KLK7: variants seen among roughly 807,000 people sequenced by gnomAD.
The protein encoded by KLK7 is kallikrein related peptidase 7, also known as kallikrein-7.
A neutral mutation model predicts 21.0 loss-of-function variants in KLK7; 17 were observed. The observed-to-expected ratio is 0.81, with a 90% CI of 0.55 to 1.21. KLK7 has a LOEUF of 1.21. Ranked by LOEUF, KLK7 falls within the 50% of genes most tolerant of loss-of-function variation. The probability of loss-of-function intolerance (pLI) is 0.00; values close to 1 mark genes in which losing one functional copy is unlikely to be tolerated. For missense variants in KLK7, 330 were observed against 322.8 expected, an observed-to-expected ratio of 1.02 and a Z score of -0.17; for synonymous variants, 151 against 134.6, an observed-to-expected ratio of 1.12 and a Z score of -0.85.
Position 50,980,478 on chromosome 19 carries a change from G to C in KLK7, c.231C>G (p.Thr77=). ...CCAGCGTATCACTGCCCAGGTGCAC[G>C]GTGTACTCACTGCGAGGAGTGACAT... is the stretch of plus-strand genomic sequence containing the variant. ...TAAHCKMNEY[T]VHLGSDTLGD... is the part of the protein sequence containing the mutation. Residue 77 remains threonine, a synonymous_variant, in exon 4 of 6, where the codon ACC becomes ACG. Transcript: ENST00000595820. The C allele has an allele frequency of 6.2e-7, 1 of 1,613,810 alleles. No individual in the cohort carries two copies. Among genetic ancestry groups the C allele is most frequent in the East Asian group, 2.2e-5 (1 of 44,864 alleles).
At chr19:50,977,789 T>C in intron 5 of KLK7, 98 bp from the exon 6 acceptor site, 1 of 1,261,570 alleles carries the variant, frequency 7.9e-7, no homozygotes, top group South Asian at 1.4e-5. Context: ...TTGCAGATTA[T>C]GGACTTCCAC....
Position 50,981,905 on chromosome 19 carries a change from T to C in KLK7, c.83A>G (p.Asp28Gly). ...LETAGEEAQG[D>G]KIIDGAPCAR... ...ACATGGGGCGCCATCAATAATCTTG[T>C]CACCCTGGGCTGGATGGAGACATGG... The change falls in exon 3 of 6, where the codon GAC becomes GGC. Residue 28 changes from aspartate (D) to glycine (G), a missense_variant. Asp to Gly is a moderately conservative substitution (Grantham distance 94). Coordinates refer to ENST00000595820, the MANE Select transcript of KLK7 (RefSeq NM_005046.4). The C allele has an allele frequency of 6.2e-7, 1 of 1,612,786 alleles. No individual in the cohort carries two copies. The highest frequency in any genetic ancestry group is 8.5e-7 in the Non-Finnish European group (1 of 1,179,634).
rs2091041123 is a variant in KLK7, at chr19:50,976,645, A to G, written c.*891T>C. 1 of 152,196 alleles carries G rather than the reference A, an allele frequency of 6.6e-6. No individual in the cohort carries two copies. The highest frequency in any genetic ancestry group is 2.4e-5 in the African/African-American group (1 of 41,432). 9.4% of individuals were successfully genotyped at this position (152,196 alleles called of 1,614,324 possible). A position where few individuals can be genotyped will look rare whatever the true frequency, so the allele number is the denominator to read the frequency against. ...ATTTTTTATGGGTAGGGTCACATAC[A>G]TATATATTTTTGTCCTTCCTTTTGT... On this transcript the variant is annotated 3_prime_UTR_variant, in exon 6 of 6. Coordinates refer to ENST00000595820, the MANE Select transcript of KLK7 (RefSeq NM_005046.4).
chr19:50,983,806 C>T, intron 1 of KLK7, 45 bp downstream of exon 1: 1 of 1,288,682 alleles, frequency 7.8e-7, no homozygotes, highest in South Asian at 1.2e-5. Flanking sequence ...GAGCCAGCAT[C>T]ACCCTCTCCC....
Position 50,981,929 on chromosome 19 carries a change from G to A in KLK7, c.74-15C>T, listed in dbSNP as rs1179974858. 6.2e-7 allele frequency: 1 copy of A among 1,611,966 alleles called. No individual in the cohort carries two copies. The highest frequency in any genetic ancestry group is 1.3e-5 in the African/African-American group (1 of 74,888). Reference sequence around the variant, plus strand: ...GTCACCCTGGGCTGGATGGAGACATGGAGGAGCACGTGGGTAGCTAGCATT... The same window carrying A: ...GTCACCCTGGGCTGGATGGAGACATAGAGGAGCACGTGGGTAGCTAGCATT... On this transcript the variant is annotated splice_polypyrimidine_tract_variant and intron_variant, in intron 2 of 5. Transcript: ENST00000595820.
intron 5 of KLK7, among the ~76,000 whole-genome samples, chr19:50,979,203 G>A (rs1654526): frequency 0.22 from 33,032 of 151,956 alleles, 4,044 homozygotes; most frequent in East Asian, 0.34. Context: ...ATCAGCTTCA[G>A]GCACAAAATC....
chr19:50,981,201 G>T lies in KLK7; in HGVS notation c.221+566C>A, dbSNP rs1439842192. ...GAGAGAGAGGGACAGAGACCAGAGA[G>T]AGAGGAGGGGGAACAGAGACCAGAG... is the stretch of plus-strand genomic sequence containing the variant. On this transcript the variant is annotated intron_variant, in intron 3 of 5. Coordinates refer to ENST00000595820, the MANE Select transcript of KLK7 (RefSeq NM_005046.4). Among the ~76,000 whole-genome samples, 4 of 132,410 alleles carry T rather than the reference G, an allele frequency of 3.0e-5. No individual in the cohort carries two copies. The South Asian group carries it at 8.5e-4, about 28-fold the overall frequency. 86.9% of individuals were successfully genotyped at this position (132,410 alleles called of 152,430 possible).
At position 50,977,836 on chromosome 19, in the gene KLK7, C is replaced by A. The variant is rs150314873; in HGVS notation, c.607-145G>T. 88 of 837,202 alleles carry A rather than the reference C, an allele frequency of 1.1e-4. No homozygotes were observed. The East Asian group carries it at 2.0e-3, about 19-fold the overall frequency. 51.9% of individuals were successfully genotyped at this position (837,202 alleles called of 1,614,324 possible). ...AGAAGAGACTCATTGTCTCTGGGGA[C>A]TAATGGGAGAGCTAGTGCTAGGGAC... On this transcript the variant is annotated intron_variant, in intron 5 of 5. Coordinates refer to ENST00000595820, the MANE Select transcript of KLK7 (RefSeq NM_005046.4).
chr19:50,980,533 A>G, intron 3 of KLK7, 46 bp from the exon 4 acceptor site: 1 of 1,607,744 alleles, frequency 6.2e-7, no homozygotes, highest in Non-Finnish European at 8.5e-7. Flanking sequence ...ACTGTGACAG[A>G]GAGGGTGTGC....
chr19:50,977,514 A>G lies in KLK7; in HGVS notation c.*22T>C. 6.2e-7 allele frequency: 1 copy of G among 1,609,470 alleles called. No homozygotes were observed. Among genetic ancestry groups the G allele is most frequent in the Non-Finnish European group, 8.5e-7 (1 of 1,176,070 alleles). ...TGTGCATTTTCTGTTGGAAGCACAC[A>G]GTTAATTAACTCAGTGTGGCGTTAG... On this transcript the variant is annotated 3_prime_UTR_variant, in exon 6 of 6. Transcript: ENST00000595820.
intron 5 of KLK7, among the ~76,000 whole-genome samples, chr19:50,978,434 CAAAG>C (rs2091052042): frequency 1.4e-5 from 2 of 145,566 alleles, no homozygotes. Flanking sequence ...GAGAGAGAGA[CAAAG>C]AGAGATGAGG....
Position 50,981,897 on chromosome 19 carries a change from T to C in KLK7, c.91A>G (p.Ile31Val), listed in dbSNP as rs2122263091. The change falls in exon 3 of 6, where the codon ATT becomes GTT. Residue 31 changes from isoleucine to valine, a missense_variant. Physicochemically the swap from Ile to Val is conservative, Grantham distance 29. Coordinates refer to ENST00000595820, the MANE Select transcript of KLK7 (RefSeq NM_005046.4). ...CCTCTTGCACATGGGGCGCCATCAA[T>C]AATCTTGTCACCCTGGGCTGGATGG... is the stretch of plus-strand genomic sequence containing the variant. ...AGEEAQGDKIIDGAPCARGSH... is the reference protein window; with the variant it reads ...AGEEAQGDKIVDGAPCARGSH... 6.2e-7 allele frequency: 1 copy of C among 1,612,756 alleles called. No individual in the cohort carries two copies. Among genetic ancestry groups the C allele is most frequent in the South Asian group, 1.1e-5 (1 of 90,510 alleles).
chr19:50,980,735 G>T, intron 3 of KLK7, among the ~76,000 whole-genome samples: 1 of 83,030 alleles, frequency 1.2e-5, no homozygotes, highest in Admixed American at 1.3e-4. Flanking sequence ...GAGGAGGGGG[G>T]AGAGAGACAC....
chr19:50,978,900 C>T (rs2091056049), intron 5 of KLK7, among the ~76,000 whole-genome samples: 1 of 49,764 alleles, frequency 2.0e-5, no homozygotes. Context: ...AGCAGGGGGG[C>T]AGGGAGAGGA....
chr19:50,978,632 T>G (rs1030709664), intron 5 of KLK7, among the ~76,000 whole-genome samples: 10 of 13,796 alleles, frequency 7.2e-4, no homozygotes, highest in East Asian at 3.1e-3. Context: ...GGGGAAGGTG[T>G]GGGGAGAGAG....
chr19:50,979,763 G>A (rs2091061861), intron 5 of KLK7, 25 bp downstream of exon 5: 2 of 1,559,262 alleles, frequency 1.3e-6, no homozygotes, highest in Non-Finnish European at 1.7e-6. Context: ...CAGGACTGGG[G>A]AGGAATTGGG....
At chr19:50,980,053 A>AG (rs1464366461) in intron 4 of KLK7, 129 bp from the exon 5 acceptor site, 43 of 1,036,020 alleles carry the variant, frequency 4.2e-5, no homozygotes, top group Non-Finnish European at 5.3e-5. Context: ...CTGAGGGAGG[A>AG]GGGGCTGGGG....
At position 50,980,467 on chromosome 19, in the gene KLK7, C is replaced by G. The variant is rs928092389; in HGVS notation, c.242G>C (p.Gly81Ala). The change falls in exon 4 of 6, where the codon GGC (glycine) becomes GCC (alanine). Residue 81 changes from glycine (G) to alanine (A), a missense_variant. Gly to Ala is a moderately conservative substitution (Grantham distance 60, BLOSUM62 0). Coordinates refer to ENST00000595820, the MANE Select transcript of KLK7 (RefSeq NM_005046.4). ...TCTCCTGTCGCCCAGCGTATCACTG[C>G]CCAGGTGCACGGTGTACTCACTGCG... The part of the protein sequence containing the change: ...CKMNEYTVHL[G>A]SDTLGDRRAQ... The G allele has an allele frequency of 1.2e-6, 2 of 1,613,770 alleles. No homozygotes were observed. The highest frequency in any genetic ancestry group is 1.7e-6 in the Non-Finnish European group (2 of 1,179,928).
chr19:50,978,518 G>A (rs913394735), intron 5 of KLK7, among the ~76,000 whole-genome samples: 1 of 147,762 alleles, frequency 6.8e-6, no homozygotes, highest in African/African-American at 2.5e-5. Flanking sequence ...GGAGAAGAGA[G>A]ACAGACAAAG....
Sources: gnomAD v4.1 joint callset for allele counts (sites outside exome capture counted in the v4.1 genomes callset) on GRCh38, gnomAD v4.1.1 for gene constraint, MANE v1.5 for transcripts, NCBI Gene and HGNC (gene_info 2026-07-23, HGNC 2026-07-21) for gene names.